OSBPL8: variants seen among roughly 807,000 people sequenced by gnomAD.
OSBPL8 encodes the protein oxysterol binding protein like 8.
Under a neutral mutation model 125.5 loss-of-function variants are expected in OSBPL8, and 59 were observed. That is an observed-to-expected ratio of 0.47 (90% CI 0.38 to 0.58). The LOEUF is 0.58. OSBPL8 is among the 20% of genes least tolerant of loss of function. The pLI is 0.00. For missense variants in OSBPL8, 758 were observed against 1,047.8 expected, an observed-to-expected ratio of 0.72 and a Z score of 3.82; for synonymous variants, 330 against 338.9, an observed-to-expected ratio of 0.97 and a Z score of 0.29.
intron 10 of OSBPL8, among the ~76,000 whole-genome samples, chr12:76,392,166 C>T (rs2136300714): frequency 6.6e-6 from 1 of 152,160 alleles, no homozygotes; most frequent in South Asian, 2.1e-4. Flanking sequence ...AGTGCCATTA[C>T]TAAAAACATG....
intron 3 of OSBPL8, among the ~76,000 whole-genome samples, chr12:76,456,466 C>T (rs1458139787): frequency 6.6e-6 from 1 of 152,058 alleles, no homozygotes; most frequent in Non-Finnish European, 1.5e-5. Flanking sequence ...GCCTGGCCAA[C>T]ACGGTGAAAC....
At chr12:76,416,507 T>C (rs1868689032) in intron 4 of OSBPL8, among the ~76,000 whole-genome samples, 1 of 152,090 alleles carries the variant, frequency 6.6e-6, no homozygotes, top group South Asian at 2.1e-4. Flanking sequence ...GAGAAGAATA[T>C]AAGTACAGAT....
rs538304652 is a variant in OSBPL8 at position 76,483,432 on chromosome 12, C to T, written c.42+4078G>A. 1.4e-3 allele frequency among the ~76,000 whole-genome samples: 213 copies of T among 150,572 alleles called. 2 individuals are homozygous for T. The highest frequency in any genetic ancestry group is 4.9e-3 in the African/African-American group (203 of 41,070). On this transcript the variant is annotated intron_variant, in intron 2 of 23. Transcript: ENST00000261183. ...CAAAAAAATTAGCCTGGTGTGGTGG[C>T]GTGCACCTGTAATCCCAGCTACTCG...
intron 4 of OSBPL8, among the ~76,000 whole-genome samples, chr12:76,432,570 G>A (rs1282147227): frequency 1.3e-5 from 2 of 152,002 alleles, no homozygotes; most frequent in Non-Finnish European, 2.9e-5. Context: ...AACAGAATGA[G>A]ACTTTGTCTT....
intron 15 of OSBPL8, among the ~76,000 whole-genome samples, chr12:76,380,096 A>G (rs908197335): frequency 2.0e-5 from 3 of 152,090 alleles, no homozygotes; most frequent in Non-Finnish European, 4.4e-5. Context: ...CTTTTTCAAA[A>G]TTGTTTGGCT....
chr12:76,420,469 A>G (rs193209280), intron 4 of OSBPL8, among the ~76,000 whole-genome samples: 3 of 152,202 alleles, frequency 2.0e-5, no homozygotes, highest in African/African-American at 7.2e-5. Context: ...TGACATCACT[A>G]TGGGTACAGG....
At chr12:76,380,936 G>A (rs2136241692) in intron 15 of OSBPL8, among the ~76,000 whole-genome samples, 1 of 152,176 alleles carries the variant, frequency 6.6e-6, no homozygotes, top group Middle Eastern at 3.4e-3. Flanking sequence ...GAAATAAATA[G>A]GTGTTGAATT....
intron 1 of OSBPL8, among the ~76,000 whole-genome samples, chr12:76,504,361 T>C (rs2137136689): frequency 6.6e-6 from 1 of 152,338 alleles, no homozygotes; most frequent in East Asian, 1.9e-4. Context: ...TTATCATTCA[T>C]TCTGTGCTCT....
chr12:76,355,264 A>T lies in OSBPL8; in HGVS notation c.*625T>A, dbSNP rs1951941393. 1 of 152,514 alleles carries T rather than the reference A, an allele frequency of 6.6e-6. No individual in the cohort carries two copies. The allele number at this position is 152,514 out of a possible 1,614,324, so 9.4% of individuals were successfully genotyped here. On this transcript the variant is annotated 3_prime_UTR_variant, in exon 24 of 24. Transcript: ENST00000261183. The stretch of plus-strand genomic sequence containing the variant: ...TATTAAATTCTAGGGGTTAAAAAAA[A>T]CTTATGTAAACTTTTAAAAAAGCAA...
At chr12:76,553,791 T>C (rs141861953) in intron 1 of OSBPL8, among the ~76,000 whole-genome samples, 157 of 151,480 alleles carry the variant, frequency 1.0e-3, no homozygotes, top group Admixed American at 1.8e-3. Flanking sequence ...GCCTGGCCAA[T>C]ATGGTGAAAC....
intron 1 of OSBPL8, among the ~76,000 whole-genome samples, chr12:76,502,943 A>G (rs772291181): frequency 4.6e-5 from 7 of 152,222 alleles, no homozygotes; most frequent in Admixed American, 1.3e-4. Flanking sequence ...GCTTTATCAT[A>G]TAAGATATAA....
intron 15 of OSBPL8, among the ~76,000 whole-genome samples, chr12:76,384,016 T>C (rs1391256012): frequency 6.6e-6 from 1 of 152,240 alleles, no homozygotes; most frequent in Non-Finnish European, 1.5e-5. Flanking sequence ...AGGGCTATAA[T>C]GGGCAATCAT....
At chr12:76,356,162 T>TGGGGGGGGGGTATGGGGGGGGGG in intron 23 of OSBPL8, 141 bp from the exon 24 acceptor site, 1 of 131,274 alleles carries the variant, frequency 7.6e-6, no homozygotes, top group Non-Finnish European at 1.6e-5. Flanking sequence ...TATGTAGGGG[T>TGGGGGGGGGGTATGGGGGGGGGG]GGGGGGGGGC....
intron 15 of OSBPL8, among the ~76,000 whole-genome samples, chr12:76,381,311 G>T (rs1953040117): frequency 6.6e-6 from 1 of 152,048 alleles, no homozygotes; most frequent in East Asian, 1.9e-4. Context: ...GTGTAGAACT[G>T]TTATTTCTGC....
intron 22 of OSBPL8, among the ~76,000 whole-genome samples, chr12:76,357,503 C>T (rs1380520616): frequency 6.6e-6 from 1 of 152,098 alleles, no homozygotes; most frequent in Non-Finnish European, 1.5e-5. Context: ...TTTCTTTTCT[C>T]GTAAAATGGG....
intron 5 of OSBPL8, among the ~76,000 whole-genome samples, chr12:76,408,718 A>C (rs1954382343): frequency 6.6e-6 from 1 of 152,098 alleles, no homozygotes; most frequent in Non-Finnish European, 1.5e-5. Context: ...TTTACATTTA[A>C]TTAATTTAAG....
At chr12:76,415,526 G>A (rs1165473224) in intron 4 of OSBPL8, among the ~76,000 whole-genome samples, 1 of 152,118 alleles carries the variant, frequency 6.6e-6, no homozygotes, top group Admixed American at 6.5e-5. Flanking sequence ...GAGATTACTG[G>A]CATGAGCCAC....
At chr12:76,476,132 T>C (rs182947785) in intron 2 of OSBPL8, among the ~76,000 whole-genome samples, 5 of 152,320 alleles carry the variant, frequency 3.3e-5, no homozygotes, top group Admixed American at 3.3e-4. Context: ...GAAGCTATGA[T>C]TTTAATAAAA....
intron 9 of OSBPL8, 37 bp from the exon 10 acceptor site, chr12:76,392,789 A>C: frequency 6.5e-7 from 1 of 1,536,320 alleles, no homozygotes; most frequent in Non-Finnish European, 8.8e-7. Context: ...TATAATTTTT[A>C]AAACTATGAA....
Sources: allele counts gnomAD v4.1 joint callset (sites outside exome capture counted in the v4.1 genomes callset), GRCh38; gene constraint gnomAD v4.1.1; transcripts MANE v1.5; gene names NCBI Gene and HGNC (gene_info 2026-07-23, HGNC 2026-07-21).